IRX4: variants seen among roughly 807,000 people sequenced by gnomAD.
IRX4 encodes iroquois-class homeodomain protein IRX-4.
IRX4 carries 22 observed loss-of-function variants against 32.0 expected under a neutral mutation model. That is an observed-to-expected ratio of 0.69 (90% CI 0.49 to 0.98). IRX4 has a LOEUF of 0.98. IRX4 is among the 50% of genes least tolerant of loss of function. The probability of loss-of-function intolerance (pLI) is 0.00; values close to 1 mark genes in which losing one functional copy is unlikely to be tolerated. For synonymous variants in IRX4, 379 were observed against 351.7 expected (o/e 1.08, Z -0.87); for missense variants, 840 against 744.2 (o/e 1.13, Z -1.50).
intron 2 of IRX4, chr5:1,881,077 G>GGGGGGGGGGGGGGGGGGGGGGGGCCCC: frequency 3.0e-6 from 1 of 337,070 alleles, no homozygotes. Context: ...GGGCGGGGGG[G>GGGGGGGGGGGGGGGGGGGGGGGGCCCC]AGGAGGTGCA....
At chr5:1,882,192 T>C (rs1735473502) in intron 1 of IRX4, 133 bp from the exon 2 acceptor site, 2 of 1,095,270 alleles carry the variant, frequency 1.8e-6, no homozygotes, top group Non-Finnish European at 2.5e-6. Context: ...CACACCAGGA[T>C]GCTCGCCCCT....
chr5:1,881,218 A>G, intron 2 of IRX4: 1 of 270,346 alleles, frequency 3.7e-6, no homozygotes, highest in Non-Finnish European at 7.1e-6. Flanking sequence ...GGATGCACTC[A>G]AGTGGGGAGG....
At chr5:1,885,187 A>AG (rs35496146), upstream of IRX4, among the ~76,000 whole-genome samples, 3 of 152,116 alleles carry the variant, frequency 2.0e-5, no homozygotes, top group Non-Finnish European at 4.4e-5. Flanking sequence ...CCCAGACCTG[A>AG]GGCTGGTGCA....
rs1561135529 is a variant in IRX4, at chr5:1,879,539, GCCT to G, written c.698_700del (p.Glu233del). On this transcript the variant is annotated inframe_deletion, in exon 4 of 5. Transcript: ENST00000231357. ...GGAGCTCTTGAGGGGCTCCTCCCGC[GCCT>G]CCTCCTCGCCCCCCTCCTCCTCCTC... is the stretch of plus-strand genomic sequence containing the variant. 1 of 1,613,432 alleles carries G rather than the reference GCCT, an allele frequency of 6.2e-7. No individual in the cohort carries two copies. The highest frequency in any genetic ancestry group is 1.7e-5 in the Admixed American group (1 of 60,022).
chr5:1,882,357 G>A (rs1483871760), intron 1 of IRX4, among the ~76,000 whole-genome samples: 1 of 152,200 alleles, frequency 6.6e-6, no homozygotes, highest in African/African-American at 2.4e-5. Flanking sequence ...CTCCCCTGGG[G>A]CACAGCCTGA....
Position 1,880,793 on chromosome 5 carries a change from C to T in IRX4, c.339G>A (p.Gly113=). Residue 113 remains glycine (G), a synonymous_variant, in exon 3 of 5, where the codon GGG becomes GGA. Coordinates refer to ENST00000231357, the MANE Select transcript of IRX4 (RefSeq NM_016358.3). ...DSKDGSGSAH[G]GLAPAAAAYY... ...AGGCGGCAGCGGCTGGTGCCAGGCC[C>T]CCATGCGCAGATCCCGAACCATCCT... 1.2e-6 allele frequency: 2 copies of T among 1,613,586 alleles called. No homozygotes were observed. The highest frequency in any genetic ancestry group is 2.2e-5 in the East Asian group (1 of 44,864).
upstream of IRX4, among the ~76,000 whole-genome samples, chr5:1,885,281 G>C (rs534021551): frequency 3.2e-4 from 49 of 152,306 alleles, no homozygotes; most frequent in African/African-American, 1.1e-3. Context: ...GCAGAGTCTG[G>C]GAGAAGCAGC....
Position 1,878,060 on chromosome 5 carries a change from G to A in IRX4, c.1469C>T (p.Pro490Leu), listed in dbSNP as rs919077447. Residue 490 changes from proline (P) to leucine (L), a missense_variant, in exon 5 of 5, where the codon CCG becomes CTG. This residue lies in a region of IRX4 where 585 missense variants were observed against 488.0 expected (regional missense o/e 1.20). Coordinates refer to ENST00000231357, the MANE Select transcript of IRX4 (RefSeq NM_016358.3). ...TGGGGCGTCCTGGGGCACGGCAGGC[G>A]GAAAGGCGCGGGCCAGGGGTGCAGT... ...VLTAPLARAF[P>L]PAVPQDAPAA... is the part of the protein sequence containing the mutation. 8 of 1,512,698 alleles carry A rather than the reference G, an allele frequency of 5.3e-6. No individual in the cohort carries two copies. In the African/African-American group the frequency reaches 7.1e-5, roughly 13 times the overall value. The allele number at this position is 1,512,698 out of a possible 1,614,324, so 93.7% of individuals were successfully genotyped here.
At chr5:1,887,006 G>C (rs1029570320), upstream of IRX4, 1 of 151,314 alleles carries the variant, frequency 6.6e-6, no homozygotes, top group East Asian at 2.0e-4. Context: ...CTCCTCGGAA[G>C]GGGGGAGGGG....
intron 1 of IRX4, 91 bp from the exon 2 acceptor site, chr5:1,882,150 G>A: frequency 7.0e-7 from 1 of 1,431,530 alleles, no homozygotes; most frequent in Non-Finnish European, 9.2e-7. Context: ...CCACGAGGGC[G>A]TGCCCCGAGT....
In IRX4 at chr5:1,877,835, G is replaced by T; in HGVS notation, c.*134C>A. 1.2e-6 allele frequency: 1 copy of T among 834,178 alleles called. No homozygotes were observed. Among genetic ancestry groups the T allele is most frequent in the Non-Finnish European group, 1.8e-6 (1 of 556,278 alleles). The allele number at this position is 834,178 out of a possible 1,614,324, so 51.7% of individuals were successfully genotyped here. A position where few individuals can be genotyped will look rare whatever the true frequency, so the allele number is the denominator to read the frequency against. ...CTTGTCCATGTTCCCAGGAGTCCAA[G>T]TTCAGAAGCCCCCTCTCCGGTGGGT... is the stretch of plus-strand genomic sequence containing the variant. On this transcript the variant is annotated 3_prime_UTR_variant, in exon 5 of 5. Transcript: ENST00000231357.
At chr5:1,882,946 C>T (rs1243628166), upstream of IRX4, among the ~76,000 whole-genome samples, 1 of 136,120 alleles carries the variant, frequency 7.3e-6, no homozygotes, top group Admixed American at 7.3e-5. Context: ...AAAAAAAAAA[C>T]GAGTCGCGCG....
chr5:1,885,005 G>T (rs1393726146), upstream of IRX4, among the ~76,000 whole-genome samples: 1 of 152,200 alleles, frequency 6.6e-6, no homozygotes, highest in African/African-American at 2.4e-5. Flanking sequence ...ATGGGGAGTA[G>T]AGACCCCCAG....
At chr5:1,885,917 C>T (rs915412190), upstream of IRX4, among the ~76,000 whole-genome samples, 7 of 152,260 alleles carry the variant, frequency 4.6e-5, no homozygotes, top group South Asian at 2.1e-4. Flanking sequence ...CCTCTAGGGA[C>T]CCCCGGTACT....
At chr5:1,885,715 G>A (rs2111460654), upstream of IRX4, among the ~76,000 whole-genome samples, 1 of 152,188 alleles carries the variant, frequency 6.6e-6, no homozygotes, top group South Asian at 2.1e-4. Flanking sequence ...AGGCCCGCCT[G>A]CCCAAACCGG....
At chr5:1,882,497 C>T in intron 1 of IRX4, 106 bp downstream of exon 1, 3 of 1,007,780 alleles carry the variant, frequency 3.0e-6, no homozygotes, top group South Asian at 1.4e-5. Flanking sequence ...CTTGCTAGCT[C>T]GGAAGCCGCA....
chr5:1,882,187 C>G, intron 1 of IRX4, 128 bp from the exon 2 acceptor site: 1 of 1,146,468 alleles, frequency 8.7e-7, no homozygotes, highest in Non-Finnish European at 1.2e-6. Context: ...CCGTCCACAC[C>G]AGGATGCTCG....
chr5:1,878,600 G>A lies in IRX4; in HGVS notation c.929C>T (p.Ala310Val). Residue 310 changes from alanine to valine, a missense_variant, in exon 5 of 5, where the codon GCG becomes GTG. Ala to Val is a moderately conservative substitution (Grantham distance 64). Coordinates refer to ENST00000231357, the MANE Select transcript of IRX4 (RefSeq NM_016358.3). The stretch of plus-strand genomic sequence containing the variant: ...CTCGTCCAGAGCAGCTCCGCCACCC[G>A]CGGCCAGAGACATCCGGAGCGCGCC... ...ASGALRMSLA[A>V]GGGAALDEDL... The A allele has an allele frequency of 1.3e-6, 2 of 1,557,554 alleles. No individual in the cohort carries two copies. Among genetic ancestry groups the A allele is most frequent in the South Asian group, 1.2e-5 (1 of 84,960 alleles).
Position 1,879,607 on chromosome 5 carries a change from C to A in IRX4, c.633G>T (p.Arg211=). Residue 211 remains arginine (R), a synonymous_variant, in exon 4 of 5, where the codon CGG becomes CGT. Coordinates refer to ENST00000231357, the MANE Select transcript of IRX4 (RefSeq NM_016358.3). ...GCCGCTTCTCGTCTGCGCACTTGTT[C>A]CGCGGCGGCCACGTCATCTTGTTCT... ...KKENKMTWPP[R]NKCADEKRPY... is the part of the protein sequence containing the mutation. 1.2e-6 allele frequency: 2 copies of A among 1,614,036 alleles called. No individual in the cohort carries two copies. The highest frequency in any genetic ancestry group is 1.7e-6 in the Non-Finnish European group (2 of 1,180,034).
Sources: gnomAD v4.1 joint callset for allele counts (sites outside exome capture counted in the v4.1 genomes callset) on GRCh38, gnomAD v4.1.1 for gene constraint, gnomAD v4.1.1 regional missense constraint, MANE v1.5 for transcripts, NCBI Gene and HGNC (gene_info 2026-07-23, HGNC 2026-07-21) for gene names.